Variants in MAP4K5 observed in about 807,000 individuals in gnomAD.
MAP4K5 encodes MAPK/ERK kinase kinase kinase 5.
MAP4K5 carries 82 observed loss-of-function variants against 135.6 expected under a neutral mutation model. The ratio of observed to expected loss-of-function variants is 0.60; its 90% CI spans 0.51 to 0.73. The LOEUF is 0.73. Ranked by LOEUF, MAP4K5 falls within the 30% of genes least tolerant of loss-of-function variation. The pLI is 0.00. For missense variants in MAP4K5, 907 were observed against 1,010.9 expected (o/e 0.90, Z 1.39); for synonymous variants, 347 against 335.0 (o/e 1.04, Z -0.39).
intron 14 of MAP4K5, 147 bp downstream of exon 14, chr14:50,456,369 C>T (rs1301724241): frequency 1.6e-6 from 1 of 629,010 alleles, no homozygotes; most frequent in Admixed American, 3.0e-5. Flanking sequence ...TCCATCGAAA[C>T]CAGAAAAGCA....
chr14:50,440,253 T>C (rs1490268929), intron 22 of MAP4K5, 109 bp downstream of exon 22: 1 of 828,242 alleles, frequency 1.2e-6, no homozygotes, highest in African/African-American at 1.8e-5. Context: ...CCTTTAAATA[T>C]TTAAATCATA....
chr14:50,520,102 C>T (rs1395018872), intron 2 of MAP4K5, among the ~76,000 whole-genome samples: 1 of 152,154 alleles, frequency 6.6e-6, no homozygotes, highest in East Asian at 1.9e-4. Context: ...TGGTGGCTCA[C>T]ACCTGTAATC....
At chr14:50,508,603 T>C (rs2037862205) in intron 2 of MAP4K5, among the ~76,000 whole-genome samples, 1 of 151,522 alleles carries the variant, frequency 6.6e-6, no homozygotes, top group Non-Finnish European at 1.5e-5. Flanking sequence ...CATTAGGAGA[T>C]ACACCTAACG....
chr14:50,418,644 A>G lies in MAP4K5; in HGVS notation c.*1375T>C, dbSNP rs1353171494. The G allele has an allele frequency of 6.6e-6, 1 of 152,638 alleles. No individual in the cohort carries two copies. The highest frequency in any genetic ancestry group is 1.5e-5 in the Non-Finnish European group (1 of 68,042). 9.5% of individuals were successfully genotyped at this position (152,638 alleles called of 1,614,324 possible). ...ATTGGATAGATCTCTTAACCTTGCT[A>G]AACCCTTACTTCCTCATCTGAAAAA... is the stretch of plus-strand genomic sequence containing the variant. On this transcript the variant is annotated 3_prime_UTR_variant, in exon 33 of 33. Coordinates refer to ENST00000682126, the MANE Select transcript of MAP4K5 (RefSeq NM_006575.6).
chr14:50,542,208 A>C (rs1462857857), intron 2 of MAP4K5, among the ~76,000 whole-genome samples: 1 of 145,650 alleles, frequency 6.9e-6, no homozygotes, highest in Non-Finnish European at 1.5e-5. Flanking sequence ...GCATGTTCTC[A>C]CTCATAAGTG....
At chr14:50,490,555 TGTACAA>T (rs2037462194) in intron 3 of MAP4K5, among the ~76,000 whole-genome samples, 1 of 152,328 alleles carries the variant, frequency 6.6e-6, no homozygotes, top group Non-Finnish European at 1.5e-5. Context: ...TGCTAAAAAG[TGTACAA>T]GTACAAGATC....
At chr14:50,548,805 C>T (rs1018151303) in intron 1 of MAP4K5, among the ~76,000 whole-genome samples, 9 of 152,088 alleles carry the variant, frequency 5.9e-5, no homozygotes, top group Non-Finnish European at 8.8e-5. Context: ...CCACTGCACC[C>T]GGCCTGGTCT....
intron 8 of MAP4K5, among the ~76,000 whole-genome samples, chr14:50,475,572 C>T (rs1413263907): frequency 6.6e-6 from 1 of 151,998 alleles, no homozygotes; most frequent in Non-Finnish European, 1.5e-5. Context: ...TGTAGTTAAA[C>T]ATGATTGTAT....
chr14:50,492,956 CCCATG>C (rs2037515610), intron 3 of MAP4K5, among the ~76,000 whole-genome samples: 1 of 151,466 alleles, frequency 6.6e-6, no homozygotes, highest in South Asian at 2.1e-4. Flanking sequence ...ACTGCTTGAG[CCCATG>C]AGTTTGAGGC....
intron 9 of MAP4K5, among the ~76,000 whole-genome samples, chr14:50,473,349 C>A (rs2037010372): frequency 6.6e-6 from 1 of 151,742 alleles, no homozygotes; most frequent in African/African-American, 2.4e-5. Flanking sequence ...TAAGTCTATG[C>A]CATTGTTTTT....
At chr14:50,455,503 C>A (rs2036579295) in intron 14 of MAP4K5, among the ~76,000 whole-genome samples, 1 of 152,000 alleles carries the variant, frequency 6.6e-6, no homozygotes, top group African/African-American at 2.4e-5. Context: ...AAGATATCAT[C>A]AATCTAGGCA....
At chr14:50,504,615 A>C (rs780420567) in intron 3 of MAP4K5, among the ~76,000 whole-genome samples, 185 bp downstream of exon 3, 29 of 152,128 alleles carry the variant, frequency 1.9e-4, no homozygotes, top group Non-Finnish European at 3.7e-4. Flanking sequence ...TGTACATGTC[A>C]AATTTTATTT....
At chr14:50,495,901 T>G (rs2037580924) in intron 3 of MAP4K5, among the ~76,000 whole-genome samples, 1 of 152,208 alleles carries the variant, frequency 6.6e-6, no homozygotes, top group South Asian at 2.1e-4. Context: ...TACTAGTGGC[T>G]GTGGGGAGGC....
intron 14 of MAP4K5, among the ~76,000 whole-genome samples, chr14:50,455,705 G>A (rs922886009): frequency 3.9e-5 from 6 of 151,990 alleles, no homozygotes; most frequent in Admixed American, 3.9e-4. Flanking sequence ...ATTCTAATTA[G>A]CTCAAATATT....
At chr14:50,427,795 C>T (rs2035878449) in intron 30 of MAP4K5, among the ~76,000 whole-genome samples, 1 of 151,994 alleles carries the variant, frequency 6.6e-6, no homozygotes, top group South Asian at 2.1e-4. Flanking sequence ...GAGAGTAAAA[C>T]ATTCGTTGAC....
intron 1 of MAP4K5, among the ~76,000 whole-genome samples, chr14:50,548,318 A>G (rs1053833158): frequency 3.9e-5 from 6 of 152,142 alleles, no homozygotes; most frequent in Non-Finnish European, 8.8e-5. Flanking sequence ...AGAGTAAAAA[A>G]TGGGATTGGG....
At chr14:50,453,016 T>C (rs145618238) in intron 14 of MAP4K5, among the ~76,000 whole-genome samples, 426 of 152,320 alleles carry the variant, frequency 2.8e-3, no homozygotes, top group Non-Finnish European at 4.8e-3. Flanking sequence ...TGACAGATGC[T>C]TGTTACTTCT....
chr14:50,435,363 C>A (rs924047204), intron 26 of MAP4K5, among the ~76,000 whole-genome samples: 3 of 151,964 alleles, frequency 2.0e-5, no homozygotes, highest in African/African-American at 7.3e-5. Context: ...TCCCTCCCGT[C>A]CTCCTTCTTT....
chr14:50,537,316 C>G (rs1216793583), upstream of MAP4K5, among the ~76,000 whole-genome samples: 1 of 152,238 alleles, frequency 6.6e-6, no homozygotes, highest in Non-Finnish European at 1.5e-5. Flanking sequence ...GTTTGGGAAT[C>G]TTTGCCTAGA....
Sources: gnomAD v4.1 joint callset for allele counts (sites outside exome capture counted in the v4.1 genomes callset) on GRCh38, gnomAD v4.1.1 for gene constraint, MANE v1.5 for transcripts, NCBI Gene and HGNC (gene_info 2026-07-23, HGNC 2026-07-21) for gene names.